PDE10A: variants seen among roughly 807,000 people sequenced by gnomAD.
The protein encoded by PDE10A is phosphodiesterase 10A.
In PDE10A, 39 loss-of-function variants were observed where a neutral mutation model predicts 97.7. The ratio of observed to expected loss-of-function variants is 0.40; its 90% CI spans 0.31 to 0.52. The LOEUF is 0.52. PDE10A is among the 20% of genes least tolerant of loss of function. The pLI, the probability that PDE10A is intolerant of heterozygous loss-of-function variation, is 0.56. For missense variants in PDE10A, 731 were observed against 1,047.8 expected (o/e 0.70, Z 4.17); for synonymous variants, 371 against 376.8 (o/e 0.98, Z 0.18).
chr6:165,380,044 G>A (rs1158445580), intron 17 of PDE10A, among the ~76,000 whole-genome samples: 2 of 152,036 alleles, frequency 1.3e-5, no homozygotes, highest in Non-Finnish European at 2.9e-5. Context: ...CCAGAACACT[G>A]GTAATCTGGA....
At chr6:165,549,445 C>T (rs905986608) in intron 1 of PDE10A, among the ~76,000 whole-genome samples, 5 of 152,146 alleles carry the variant, frequency 3.3e-5, no homozygotes, top group Non-Finnish European at 5.9e-5. Context: ...CTGCCTCAGC[C>T]TCCCGATTAG....
intron 21 of PDE10A, 42 bp from the exon 22 acceptor site, chr6:165,333,169 G>C (rs777196797): frequency 8.1e-7 from 1 of 1,227,470 alleles, no homozygotes; most frequent in African/African-American, 1.5e-5. Context: ...CTGAATAAAG[G>C]ATTTCTGGAC....
intron 1 of PDE10A, among the ~76,000 whole-genome samples, chr6:165,617,247 G>A (rs1787767014): frequency 6.6e-6 from 1 of 152,156 alleles, no homozygotes. Flanking sequence ...CCTTGCAAAG[G>A]CCACATACCC....
At chr6:165,480,893 T>C (rs1056556935) in intron 3 of PDE10A, among the ~76,000 whole-genome samples, 8 of 152,212 alleles carry the variant, frequency 5.3e-5, no homozygotes, top group Non-Finnish European at 1.0e-4. Flanking sequence ...GTTATAGAGA[T>C]CTTGGCAACT....
In PDE10A at chr6:165,331,946, G is replaced by A. The variant is rs1382841521; in HGVS notation, c.*1079C>T. The A allele has an allele frequency of 6.6e-6, 1 of 152,188 alleles. No individual in the cohort carries two copies. The highest frequency in any genetic ancestry group is 1.5e-5 in the Non-Finnish European group (1 of 68,036). The allele number at this position is 152,188 out of a possible 1,614,324, so 9.4% of individuals were successfully genotyped here. ...AAAGCTCATGAAATACGACCGTGCA[G>A]TACGTGGAAGAGATAAGTGAGAGGT... On this transcript the variant is annotated 3_prime_UTR_variant, in exon 22 of 22. Transcript: ENST00000539869.
At chr6:165,941,454 G>A (rs1783514183) in intron 1 of PDE10A, among the ~76,000 whole-genome samples, 1 of 152,068 alleles carries the variant, frequency 6.6e-6, no homozygotes, top group African/African-American at 2.4e-5. Context: ...TTCCCACAGA[G>A]CCCACCTGAC....
chr6:165,765,653 T>C (rs1041902212), intron 1 of PDE10A, among the ~76,000 whole-genome samples: 8 of 152,186 alleles, frequency 5.3e-5, no homozygotes, highest in Non-Finnish European at 1.2e-4. Flanking sequence ...CCCCGGTTCC[T>C]GCTCGCGCCT....
intron 1 of PDE10A, among the ~76,000 whole-genome samples, chr6:165,858,325 G>C (rs1780807179): frequency 6.6e-6 from 1 of 152,216 alleles, no homozygotes; most frequent in South Asian, 2.1e-4. Flanking sequence ...TTTTGAGGGA[G>C]TGCTCCCGAC....
At chr6:165,908,071 T>G (rs377149977) in intron 1 of PDE10A, among the ~76,000 whole-genome samples, 3 of 152,330 alleles carry the variant, frequency 2.0e-5, no homozygotes, top group Admixed American at 6.5e-5. Context: ...AGGAACCTCT[T>G]ATTTCAGCAA....
chr6:165,864,769 G>T (rs1780994555), intron 1 of PDE10A, among the ~76,000 whole-genome samples: 1 of 152,018 alleles, frequency 6.6e-6, no homozygotes, highest in Non-Finnish European at 1.5e-5. Context: ...CCCCAAATAG[G>T]GAAATAGTTA....
intron 1 of PDE10A, among the ~76,000 whole-genome samples, chr6:165,654,432 C>G (rs561561141): frequency 6.6e-6 from 1 of 151,886 alleles, no homozygotes; most frequent in African/African-American, 2.4e-5. Flanking sequence ...AGAGAAATGG[C>G]GGTCAGAAGC....
At chr6:165,647,139 A>G (rs1287098740) in intron 1 of PDE10A, among the ~76,000 whole-genome samples, 1 of 152,256 alleles carries the variant, frequency 6.6e-6, no homozygotes, top group African/African-American at 2.4e-5. Flanking sequence ...GACTAAGTCC[A>G]CACACAGAGT....
intron 18 of PDE10A, among the ~76,000 whole-genome samples, chr6:165,358,764 CTT>C (rs898858005): frequency 3.3e-5 from 5 of 151,746 alleles, no homozygotes; most frequent in Admixed American, 3.3e-4. Context: ...TCTTGTCCTG[CTT>C]CCCTGTGGTT....
chr6:165,644,493 A>G (rs1789295719), intron 1 of PDE10A, among the ~76,000 whole-genome samples: 1 of 152,206 alleles, frequency 6.6e-6, no homozygotes, highest in South Asian at 2.1e-4. Context: ...CACATGTACA[A>G]TGCCCAGAGG....
chr6:165,985,682 T>C (rs891454054), intron 1 of PDE10A, among the ~76,000 whole-genome samples: 3 of 152,174 alleles, frequency 2.0e-5, no homozygotes, highest in Admixed American at 1.3e-4. Context: ...CCGGCACCCC[T>C]GCCCTCTGGA....
chr6:165,837,080 G>A (rs1453976804), intron 1 of PDE10A, among the ~76,000 whole-genome samples: 1 of 149,890 alleles, frequency 6.7e-6, no homozygotes, highest in African/African-American at 2.4e-5. Flanking sequence ...GGATAGCACT[G>A]GGAGATATAC....
At chr6:165,818,725 A>C (rs2128468696) in intron 1 of PDE10A, among the ~76,000 whole-genome samples, 2 of 152,342 alleles carry the variant, frequency 1.3e-5, no homozygotes, top group South Asian at 2.1e-4. Context: ...TGGGTGCCAA[A>C]ATCTAAAGGG....
intron 1 of PDE10A, among the ~76,000 whole-genome samples, chr6:165,704,499 G>C (rs955642865): frequency 2.6e-5 from 4 of 152,146 alleles, no homozygotes; most frequent in African/African-American, 9.7e-5. Flanking sequence ...TCCAAGAAGA[G>C]TTTACACAAA....
At position 165,474,081 on chromosome 6, in the gene PDE10A, G is replaced by A. The variant is rs544776536; in HGVS notation, c.1023+8234C>T. Among the ~76,000 whole-genome samples, 4 of 152,304 alleles carry A rather than the reference G, an allele frequency of 2.6e-5. No individual in the cohort carries two copies. In the East Asian group the frequency reaches 7.7e-4, roughly 29 times the overall value. ...TCATTTGAAGTCACAGGATACAGTT[G>A]ATTATGTTAATCCTCCTTTTTGGGG... On this transcript the variant is annotated intron_variant, in intron 3 of 21. Transcript: ENST00000539869.
Sources: allele counts gnomAD v4.1 joint callset (sites outside exome capture counted in the v4.1 genomes callset), GRCh38; gene constraint gnomAD v4.1.1; transcripts MANE v1.5; gene names NCBI Gene and HGNC (gene_info 2026-07-23, HGNC 2026-07-21).